SNX18: variants seen among roughly 807,000 people sequenced by gnomAD.
SNX18 encodes sorting nexin 18.
In SNX18, 35 loss-of-function variants were observed where a neutral mutation model predicts 48.7. That is an observed-to-expected ratio of 0.72 (90% CI 0.55 to 0.95). The LOEUF (loss-of-function observed/expected upper bound fraction) is 0.95, where lower values mean the gene tolerates loss of function less well. Ranked by LOEUF, SNX18 falls within the 40% of genes least tolerant of loss-of-function variation. The pLI is 0.00. For missense variants in SNX18, 824 were observed against 871.0 expected (o/e 0.95, Z 0.68); for synonymous variants, 492 against 384.7 (o/e 1.28, Z -3.26).
the SNX18 span, among the ~76,000 whole-genome samples, chr5:54,621,966 C>A: frequency 1.3e-5 from 2 of 152,262 alleles, no homozygotes; most frequent in South Asian, 4.1e-4. Flanking sequence ...GGAATTTGAC[C>A]GCTCCAACTG....
chr5:54,556,427 A>G, the SNX18 span, among the ~76,000 whole-genome samples: 4 of 152,128 alleles, frequency 2.6e-5, no homozygotes, highest in Non-Finnish European at 5.9e-5. Flanking sequence ...AAGTCAGCAA[A>G]GTCTCATGGA....
chr5:54,568,763 C>T, the SNX18 span, among the ~76,000 whole-genome samples: 2 of 151,036 alleles, frequency 1.3e-5, no homozygotes, highest in African/African-American at 4.9e-5. Context: ...AGAGAGGCCT[C>T]AACTACTTTT....
chr5:54,565,919 C>T, the SNX18 span, among the ~76,000 whole-genome samples: 1 of 152,244 alleles, frequency 6.6e-6, no homozygotes, highest in East Asian at 1.9e-4. Flanking sequence ...AAAGAACCCA[C>T]TGACTTTTTC....
the SNX18 span, among the ~76,000 whole-genome samples, chr5:54,593,448 T>G: frequency 6.6e-6 from 1 of 152,214 alleles, no homozygotes; most frequent in African/African-American, 2.4e-5. Flanking sequence ...GAAGATTGAA[T>G]ATTGTTAAGA....
chr5:54,554,216 C>T, the SNX18 span, among the ~76,000 whole-genome samples: 757 of 152,298 alleles, frequency 5.0e-3, 7 homozygotes, highest in African/African-American at 0.016. Context: ...GAATTCTTTC[C>T]TCCATCTCTC....
At chr5:54,643,828 A>T in the SNX18 span, 1 of 152,124 alleles carries the variant, frequency 6.6e-6, no homozygotes. Flanking sequence ...CATTTTAATC[A>T]CTCAAGAAGC....
the SNX18 span, among the ~76,000 whole-genome samples, chr5:54,627,019 T>C: frequency 6.6e-6 from 1 of 152,244 alleles, no homozygotes; most frequent in Non-Finnish European, 1.5e-5. Context: ...TGTTCACTGA[T>C]GGATTCCTCT....
At chr5:54,641,717 T>G in the SNX18 span, among the ~76,000 whole-genome samples, 8 of 152,336 alleles carry the variant, frequency 5.3e-5, no homozygotes, top group Non-Finnish European at 1.2e-4. Flanking sequence ...TAGAGTCACA[T>G]TGAGGAGGAC....
chr5:54,524,815 G>A (rs988140656), intron 1 of SNX18, among the ~76,000 whole-genome samples: 1 of 152,224 alleles, frequency 6.6e-6, no homozygotes, highest in African/African-American at 2.4e-5. Flanking sequence ...GGCTGGGTAG[G>A]CCTCTGGTCT....
the SNX18 span, among the ~76,000 whole-genome samples, chr5:54,619,643 A>C: frequency 6.6e-6 from 1 of 152,226 alleles, no homozygotes. Context: ...CAAACCAAAA[A>C]GTGACTGAGG....
the SNX18 span, among the ~76,000 whole-genome samples, chr5:54,617,255 G>T: frequency 2.8e-4 from 43 of 152,234 alleles, no homozygotes; most frequent in African/African-American, 9.4e-4. Context: ...ACAATTCCTT[G>T]CCTTTAAAAT....
chr5:54,553,939 A>G, the SNX18 span, among the ~76,000 whole-genome samples: 2 of 152,214 alleles, frequency 1.3e-5, no homozygotes, highest in South Asian at 4.1e-4. Context: ...AAACTGAATC[A>G]GCAAACTTTA....
chr5:54,596,448 C>T, the SNX18 span, among the ~76,000 whole-genome samples: 4 of 152,238 alleles, frequency 2.6e-5, no homozygotes, highest in African/African-American at 4.8e-5. Context: ...GTTCAGCATT[C>T]GCCTGCTTTG....
Position 54,518,098 on chromosome 5 carries a change from G to A in SNX18, c.146G>A (p.Gly49Asp). Residue 49 changes from glycine (G) to aspartate (D), a missense_variant, in exon 1 of 2, where the codon GGC becomes GAC. Physicochemically the swap from Gly to Asp is moderately conservative, Grantham distance 94. Transcript: ENST00000381410. ...GGGGTCAACAGCCGCGGCGACCGCG[G>A]CCTCTTCCCGGCCTCCTATGTGCAG... is the stretch of plus-strand genomic sequence containing the variant. ...LEGVNSRGDR[G>D]LFPASYVQVI... is the part of the protein sequence containing the mutation. 6.6e-7 allele frequency: 1 copy of A among 1,518,392 alleles called. No individual in the cohort carries two copies. The highest frequency in any genetic ancestry group is 2.8e-5 in the East Asian group (1 of 35,894). The allele number at this position is 1,518,392 out of a possible 1,614,324, so 94.1% of individuals were successfully genotyped here. A position where few individuals can be genotyped will look rare whatever the true frequency, so the allele number is the denominator to read the frequency against.
chr5:54,623,765 G>T, the SNX18 span, among the ~76,000 whole-genome samples: 2 of 152,302 alleles, frequency 1.3e-5, no homozygotes, highest in South Asian at 4.1e-4. Flanking sequence ...CCATTAGTGA[G>T]ATTGTGATGG....
the SNX18 span, among the ~76,000 whole-genome samples, chr5:54,623,935 C>G: frequency 1.3e-5 from 2 of 152,198 alleles, no homozygotes; most frequent in African/African-American, 2.4e-5. Context: ...GGTATAGAAA[C>G]AGAATAGAAT....
chr5:54,518,357 G>A lies in SNX18; in HGVS notation c.405G>A (p.Pro135=). ...CGTACGGCGGGGGCGCCCTGCAGCC[G>A]TCGCCTCAGCAGCTCTACGGCGGCT... The part of the protein sequence containing the change: ...GFPYGGGALQ[P]SPQQLYGGYQ... Residue 135 remains proline, a synonymous_variant, in exon 1 of 2, where the codon CCG becomes CCA. Transcript: ENST00000381410. 1 of 1,540,726 alleles carries A rather than the reference G, an allele frequency of 6.5e-7. No individual in the cohort carries two copies. Among genetic ancestry groups the A allele is most frequent in the Non-Finnish European group, 8.7e-7 (1 of 1,146,092 alleles).
At chr5:54,640,713 A>T in the SNX18 span, among the ~76,000 whole-genome samples, 2 of 152,098 alleles carry the variant, frequency 1.3e-5, no homozygotes, top group Non-Finnish European at 2.9e-5. Flanking sequence ...TCTTCAATAG[A>T]AGGGGATGGG....
chr5:54,520,520 A>G (rs1762004807), intron 1 of SNX18: 2 of 166,800 alleles, frequency 1.2e-5, no homozygotes, highest in African/African-American at 4.8e-5. Context: ...GGGCAGGGAA[A>G]CCTACTCCTG....
Sources: allele counts gnomAD v4.1 joint callset (sites outside exome capture counted in the v4.1 genomes callset), GRCh38; gene constraint gnomAD v4.1.1; transcripts MANE v1.5; gene names NCBI Gene and HGNC (gene_info 2026-07-23, HGNC 2026-07-21).